Variants in ATG10 observed in about 807,000 individuals in gnomAD.
ATG10 encodes the protein autophagy related 10.
A neutral mutation model predicts 32.1 loss-of-function variants in ATG10; 30 were observed. That is an observed-to-expected ratio of 0.94 (90% CI 0.70 to 1.27). The LOEUF is 1.27. Among genes scored for constraint, ATG10 ranks in the 50% most tolerant of loss-of-function variants. ATG10 has a pLI of 0.00. For missense variants in ATG10, 233 were observed against 262.3 expected (o/e 0.89, Z 0.77); for synonymous variants, 87 against 91.5 (o/e 0.95, Z 0.28).
intron 5 of ATG10, among the ~76,000 whole-genome samples, chr5:82,187,572 T>G (rs1167940378): frequency 2.7e-5 from 4 of 150,542 alleles, no homozygotes; most frequent in Non-Finnish European, 4.4e-5. Flanking sequence ...TTTCACTAAG[T>G]AATTTATTTT....
At chr5:82,108,402 T>C (rs1289073349) in intron 3 of ATG10, among the ~76,000 whole-genome samples, 1 of 151,884 alleles carries the variant, frequency 6.6e-6, no homozygotes, top group Non-Finnish European at 1.5e-5. Context: ...ATACACACAG[T>C]ATATGCAATA....
At chr5:82,122,492 A>AAAAGC (rs1561309520) in intron 3 of ATG10, among the ~76,000 whole-genome samples, 1 of 152,196 alleles carries the variant, frequency 6.6e-6, no homozygotes, top group Non-Finnish European at 1.5e-5. Context: ...CAATTGCAAC[A>AAAAGC]AAAGCAAGAC....
chr5:82,154,857 C>A (rs976897117), intron 3 of ATG10, among the ~76,000 whole-genome samples: 2 of 152,178 alleles, frequency 1.3e-5, no homozygotes, highest in African/African-American at 4.8e-5. Context: ...TTATTCATAT[C>A]CATATAATCC....
At chr5:82,191,090 C>T (rs958407573) in intron 5 of ATG10, among the ~76,000 whole-genome samples, 1 of 152,212 alleles carries the variant, frequency 6.6e-6, no homozygotes, top group Non-Finnish European at 1.5e-5. Context: ...GTACTCATTT[C>T]TCAAAGTGCT....
intron 3 of ATG10, among the ~76,000 whole-genome samples, chr5:82,090,273 G>T (rs1178545792): frequency 3.3e-5 from 5 of 152,006 alleles, no homozygotes; most frequent in African/African-American, 1.2e-4. Context: ...CTATCCCCGA[G>T]AAATTAAAAC....
chr5:82,198,943 GATACATTATATAGCT>G (rs1744963562), intron 5 of ATG10, among the ~76,000 whole-genome samples: 1 of 152,162 alleles, frequency 6.6e-6, no homozygotes. Flanking sequence ...CTTTCACACT[GATACATTATATAGCT>G]AATTTTCTCC....
chr5:82,226,920 G>A (rs532228409), intron 5 of ATG10, among the ~76,000 whole-genome samples: 72 of 152,004 alleles, frequency 4.7e-4, no homozygotes, highest in African/African-American at 1.7e-3. Flanking sequence ...AAAATTCAAG[G>A]GTTAAAATAA....
chr5:82,084,046 G>A (rs1305061314), intron 3 of ATG10, among the ~76,000 whole-genome samples: 1 of 152,166 alleles, frequency 6.6e-6, no homozygotes, highest in East Asian at 1.9e-4. Flanking sequence ...GCTAAAAGAG[G>A]ATGTTCGAAC....
intron 5 of ATG10, among the ~76,000 whole-genome samples, chr5:82,226,295 G>C (rs115373535): frequency 1.5e-3 from 223 of 152,264 alleles, no homozygotes; most frequent in African/African-American, 5.0e-3. Context: ...ACGTTAAAGA[G>C]AGCTGGTGAA....
chr5:82,192,665 T>C (rs796518547), intron 5 of ATG10, among the ~76,000 whole-genome samples: 8 of 152,362 alleles, frequency 5.3e-5, no homozygotes, highest in African/African-American at 1.9e-4. Context: ...GCATGTTATT[T>C]GCTTAGCATT....
intron 5 of ATG10, among the ~76,000 whole-genome samples, chr5:82,217,181 T>G (rs1398989476): frequency 6.6e-6 from 1 of 152,160 alleles, no homozygotes; most frequent in African/African-American, 2.4e-5. Context: ...GGGAAGATCA[T>G]GAGTTTTGCA....
chr5:82,060,467 G>A lies in ATG10; in HGVS notation c.216+1865G>A, dbSNP rs1475916286. On this transcript the variant is annotated intron_variant, in intron 3 of 7. Coordinates refer to ENST00000282185, the MANE Select transcript of ATG10 (RefSeq NM_031482.5). ...TTATAATAGGAAAAATGAAAACAATGGAAATATACAATAGTAATGGATTGG... is the reference window on the plus strand; with the variant it reads ...TTATAATAGGAAAAATGAAAACAATAGAAATATACAATAGTAATGGATTGG... 2.0e-5 allele frequency among the ~76,000 whole-genome samples: 3 copies of A among 152,090 alleles called. No individual in the cohort carries two copies. In the East Asian group the frequency reaches 5.8e-4, roughly 29 times the overall value.
intron 4 of ATG10, among the ~76,000 whole-genome samples, chr5:82,172,593 G>T (rs1342700102): frequency 1.3e-5 from 2 of 152,068 alleles, no homozygotes; most frequent in Admixed American, 6.6e-5. Flanking sequence ...GCTCAGAGGG[G>T]TTAAATTATT....
chr5:82,126,901 C>T (rs543182120), intron 3 of ATG10, among the ~76,000 whole-genome samples: 265 of 152,316 alleles, frequency 1.7e-3, no homozygotes, highest in African/African-American at 5.9e-3. Context: ...GCTGTGAATC[C>T]GTCTGATCCT....
At chr5:82,064,134 T>C (rs1191549651) in intron 3 of ATG10, among the ~76,000 whole-genome samples, 1 of 152,216 alleles carries the variant, frequency 6.6e-6, no homozygotes, top group Admixed American at 6.5e-5. Context: ...ATTGGTAGTT[T>C]TGTGATAATT....
chr5:82,241,109 A>G (rs10054345), intron 5 of ATG10, among the ~76,000 whole-genome samples: 2,354 of 152,304 alleles, frequency 0.015, 43 homozygotes, highest in African/African-American at 0.053. Flanking sequence ...TAAAACCCGA[A>G]TAGACAAATA....
intron 1 of ATG10, among the ~76,000 whole-genome samples, chr5:81,973,735 A>G (rs910995454): frequency 2.0e-5 from 3 of 152,248 alleles, no homozygotes; most frequent in Admixed American, 1.3e-4. Context: ...CAGAAAGGTT[A>G]AACAGTGACC....
At chr5:82,199,017 T>G (rs767724762) in intron 5 of ATG10, among the ~76,000 whole-genome samples, 1 of 152,226 alleles carries the variant, frequency 6.6e-6, no homozygotes, top group African/African-American at 2.4e-5. Context: ...CTTCTTCTGA[T>G]CATTTATCTC....
intron 2 of ATG10, chr5:82,009,653 G>C: frequency 6.3e-7 from 1 of 1,592,412 alleles, no homozygotes. Flanking sequence ...TGCCATTCCT[G>C]GACCCAAAGC....
Sources: gnomAD v4.1 joint callset for allele counts (sites outside exome capture counted in the v4.1 genomes callset) on GRCh38, gnomAD v4.1.1 for gene constraint, MANE v1.5 for transcripts, NCBI Gene and HGNC (gene_info 2026-07-23, HGNC 2026-07-21) for gene names.